Variants in PARP8 observed in about 807,000 individuals in gnomAD.
PARP8 encodes the protein poly(ADP-ribose) polymerase family member 8, also known as protein mono-ADP-ribosyltransferase PARP8.
In PARP8, 51 loss-of-function variants were observed where a neutral mutation model predicts 124.1. The observed-to-expected ratio is 0.41, with a 90% CI of 0.33 to 0.52. The LOEUF (loss-of-function observed/expected upper bound fraction) is 0.52, where lower values mean the gene tolerates loss of function less well. Ranked by LOEUF, PARP8 falls within the 20% of genes least tolerant of loss-of-function variation. The pLI is 0.21. For missense variants in PARP8, 860 were observed against 1,018.9 expected, an observed-to-expected ratio of 0.84 and a Z score of 2.12; for synonymous variants, 391 against 361.5, an observed-to-expected ratio of 1.08 and a Z score of -0.93.
intron 10 of PARP8, among the ~76,000 whole-genome samples, chr5:50,792,725 G>C (rs1176461626): frequency 6.6e-6 from 1 of 152,082 alleles, no homozygotes; most frequent in Non-Finnish European, 1.5e-5. Flanking sequence ...CGTGCTGACT[G>C]AGCGAATTTA....
At chr5:50,693,725 T>A (rs1304363601) in intron 2 of PARP8, among the ~76,000 whole-genome samples, 1 of 151,590 alleles carries the variant, frequency 6.6e-6, no homozygotes, top group Non-Finnish European at 1.5e-5. Flanking sequence ...TATAATGTAA[T>A]CGTATAATCA....
intron 25 of PARP8, among the ~76,000 whole-genome samples, chr5:50,841,127 G>C (rs1748134615): frequency 6.6e-6 from 1 of 151,762 alleles, no homozygotes; most frequent in African/African-American, 2.4e-5. Context: ...TATATCCCTG[G>C]TTATCTGTTT....
At chr5:50,693,862 A>T (rs1211469641) in intron 2 of PARP8, among the ~76,000 whole-genome samples, 2 of 151,486 alleles carry the variant, frequency 1.3e-5, no homozygotes, top group African/African-American at 4.8e-5. Context: ...AATTATAAGC[A>T]CCCAAAGATA....
chr5:50,794,870 C>T lies in PARP8; in HGVS notation c.881C>T (p.Pro294Leu), dbSNP rs1421501673. The change falls in exon 12 of 26, where the codon CCC becomes CTC. Residue 294 changes from proline to leucine, a missense_variant. Pro to Leu is a moderately conservative substitution (Grantham distance 98, BLOSUM62 -3). This residue lies in a region of PARP8 where 517 missense variants were observed against 544.2 expected (regional missense o/e 0.95). Transcript: ENST00000281631. Reference protein sequence around the residue: ...STLRRSPSYPPPGCGKSKSKL... With the variant: ...STLRRSPSYPLPGCGKSKSKL... The stretch of plus-strand genomic sequence containing the variant: ...TTTTGAAGGTCGCCAAGTTATCCTC[C>T]CCCTGGTTGTGGCAAAAGCAAATCC... The T allele has an allele frequency of 6.2e-7, 1 of 1,613,470 alleles. No homozygotes were observed.
chr5:50,744,676 T>A, intron 2 of PARP8: 1 of 689,510 alleles, frequency 1.5e-6, no homozygotes, highest in Non-Finnish European at 2.6e-6. Context: ...CACCTCAATG[T>A]AATTAATTGT....
At chr5:50,776,057 A>G (rs1377174183) in intron 7 of PARP8, among the ~76,000 whole-genome samples, 2 of 152,040 alleles carry the variant, frequency 1.3e-5, no homozygotes, top group South Asian at 2.1e-4. Context: ...CTATTGTGTT[A>G]TGTTCCTTCT....
chr5:50,778,682 A>C, intron 9 of PARP8, 32 bp downstream of exon 9: 2 of 1,447,778 alleles, frequency 1.4e-6, no homozygotes, highest in Non-Finnish European at 9.5e-7. Context: ...ATTATTTTGA[A>C]TATTAATTAG....
At chr5:50,802,543 G>A (rs1743347938) in intron 14 of PARP8, among the ~76,000 whole-genome samples, 1 of 152,086 alleles carries the variant, frequency 6.6e-6, no homozygotes, top group Non-Finnish European at 1.5e-5. Context: ...GGCTAGTCTT[G>A]AAGTCCTGGC....
intron 2 of PARP8, among the ~76,000 whole-genome samples, chr5:50,733,056 C>G (rs986840720): frequency 6.6e-6 from 1 of 151,874 alleles, no homozygotes; most frequent in African/African-American, 2.4e-5. Flanking sequence ...AATGCCAGCA[C>G]TTTGGGAGGC....
At chr5:50,672,503 A>T (rs1323766992) in intron 2 of PARP8, among the ~76,000 whole-genome samples, 2 of 152,244 alleles carry the variant, frequency 1.3e-5, no homozygotes, top group Admixed American at 1.3e-4. Flanking sequence ...GTGGAATTTC[A>T]TACGAATCCA....
chr5:50,761,297 C>G (rs532875411), intron 5 of PARP8, among the ~76,000 whole-genome samples: 98 of 151,916 alleles, frequency 6.5e-4, no homozygotes, highest in Non-Finnish European at 1.3e-3. Flanking sequence ...AATTAAATAC[C>G]CTTTTGAAAT....
chr5:50,771,627 C>G (rs1235890428), intron 7 of PARP8, among the ~76,000 whole-genome samples: 2 of 152,120 alleles, frequency 1.3e-5, no homozygotes, highest in African/African-American at 4.8e-5. Flanking sequence ...AATTTCTTCT[C>G]TGAACCCTAT....
intron 2 of PARP8, among the ~76,000 whole-genome samples, chr5:50,695,874 C>G (rs900088582): frequency 6.6e-6 from 1 of 152,094 alleles, no homozygotes; most frequent in African/African-American, 2.4e-5. Context: ...TGGATGAATT[C>G]AAAATCATTC....
chr5:50,685,014 G>GT (rs570577000), intron 2 of PARP8, among the ~76,000 whole-genome samples: 34 of 151,730 alleles, frequency 2.2e-4, no homozygotes, highest in Middle Eastern at 3.4e-3. Context: ...CTCCTTTTTT[G>GT]TTTTTTTTAA....
intron 2 of PARP8, among the ~76,000 whole-genome samples, chr5:50,706,657 T>C (rs1275950807): frequency 2.0e-5 from 3 of 152,130 alleles, no homozygotes; most frequent in African/African-American, 7.2e-5. Context: ...TGAGTAGTTA[T>C]GTAGTCTTTC....
At chr5:50,769,362 C>T (rs1761373502) in intron 7 of PARP8, among the ~76,000 whole-genome samples, 1 of 151,172 alleles carries the variant, frequency 6.6e-6, no homozygotes, top group Non-Finnish European at 1.5e-5. Context: ...AAAGTTGTTT[C>T]CCTCCCATAA....
At chr5:50,747,761 CTTTTTTT>C (rs70972943) in intron 2 of PARP8, among the ~76,000 whole-genome samples, 37 of 52,938 alleles carry the variant, frequency 7.0e-4, no homozygotes, top group African/African-American at 1.8e-3. Flanking sequence ...ATAGACCTTG[CTTTTTTT>C]TTTTTTTTTT....
At chr5:50,805,787 C>T (rs145765699) in intron 14 of PARP8, among the ~76,000 whole-genome samples, 4 of 152,160 alleles carry the variant, frequency 2.6e-5, no homozygotes, top group African/African-American at 9.6e-5. Flanking sequence ...AATCCGTGTA[C>T]TATTTTTTTG....
intron 2 of PARP8, among the ~76,000 whole-genome samples, chr5:50,723,455 A>C (rs1013662395): frequency 5.9e-5 from 9 of 152,092 alleles, no homozygotes; most frequent in Non-Finnish European, 1.3e-4. Flanking sequence ...GTGTTTGGAT[A>C]TCAAAGATGA....
Sources: gnomAD v4.1 joint callset for allele counts (sites outside exome capture counted in the v4.1 genomes callset) on GRCh38, gnomAD v4.1.1 for gene constraint, gnomAD v4.1.1 regional missense constraint, MANE v1.5 for transcripts, NCBI Gene and HGNC (gene_info 2026-07-23, HGNC 2026-07-21) for gene names.